The following HTR7 variants were observed in gnomAD, a reference collection of about 807,000 sequenced individuals.
The protein encoded by HTR7 is 5-HT-7.
In HTR7, 16 loss-of-function variants were observed where a neutral mutation model predicts 34.0. That is an observed-to-expected ratio of 0.47 (90% CI 0.32 to 0.71). The LOEUF (loss-of-function observed/expected upper bound fraction) is 0.71. HTR7 is among the 30% of genes least tolerant of loss of function. The pLI is 0.04. For missense variants in HTR7, 504 were observed against 625.5 expected (o/e 0.81, Z 2.07); for synonymous variants, 265 against 260.2 (o/e 1.02, Z -0.18).
In HTR7 at chr10:90,856,129, C is replaced by T. The variant is rs540896850; in HGVS notation, c.539+1004G>A. ...CTACACATATAAAGGTTCTATAGATCCACTAAGAAAATAAGCAACCATTTC... is the reference window on the plus strand; with the variant it reads ...CTACACATATAAAGGTTCTATAGATTCACTAAGAAAATAAGCAACCATTTC... On this transcript the variant is annotated intron_variant, in intron 1 of 3. Coordinates refer to ENST00000336152, the MANE Select transcript of HTR7 (RefSeq NM_019859.4). Among the ~76,000 whole-genome samples the T allele has an allele frequency of 2.6e-5, 4 of 152,284 alleles. No individual in the cohort carries two copies. The East Asian group carries it at 7.7e-4, about 29-fold the overall frequency.
chr10:90,784,388 C>A (rs991221171), intron 1 of HTR7, among the ~76,000 whole-genome samples: 1 of 152,170 alleles, frequency 6.6e-6, no homozygotes, highest in Non-Finnish European at 1.5e-5. Context: ...GCCACTTCAT[C>A]TCTTGGACTG....
At chr10:90,828,087 A>T (rs1451300686) in intron 1 of HTR7, among the ~76,000 whole-genome samples, 1 of 142,392 alleles carries the variant, frequency 7.0e-6, no homozygotes, top group Non-Finnish European at 1.5e-5. Flanking sequence ...AACACACGGA[A>T]ATTAAATAAT....
At chr10:90,793,979 CT>C (rs1452066358) in intron 1 of HTR7, among the ~76,000 whole-genome samples, 3 of 152,176 alleles carry the variant, frequency 2.0e-5, no homozygotes, top group Non-Finnish European at 4.4e-5. Context: ...ACACTGGCAG[CT>C]GATTAGATGG....
chr10:90,787,259 G>T (rs1282010030), intron 1 of HTR7, among the ~76,000 whole-genome samples: 1 of 152,154 alleles, frequency 6.6e-6, no homozygotes, highest in Non-Finnish European at 1.5e-5. Flanking sequence ...GGAGGCCAAG[G>T]TGGGTGGATC....
intron 1 of HTR7, among the ~76,000 whole-genome samples, chr10:90,829,073 G>C (rs2120042263): frequency 6.6e-6 from 1 of 152,278 alleles, no homozygotes. Context: ...TTTATCCCAG[G>C]TATGCAAGCA....
intron 1 of HTR7, among the ~76,000 whole-genome samples, chr10:90,837,148 G>T (rs1437057389): frequency 6.6e-6 from 1 of 152,138 alleles, no homozygotes; most frequent in Non-Finnish European, 1.5e-5. Context: ...TGACTAGTTT[G>T]CACGGCCTGT....
At chr10:90,807,123 C>T (rs150374577) in intron 1 of HTR7, among the ~76,000 whole-genome samples, 1 of 152,242 alleles carries the variant, frequency 6.6e-6, no homozygotes, top group African/African-American at 2.4e-5. Flanking sequence ...TTAAATACGA[C>T]AGAGTGGAAA....
chr10:90,837,969 C>T (rs993492401), intron 1 of HTR7, among the ~76,000 whole-genome samples: 1 of 152,196 alleles, frequency 6.6e-6, no homozygotes, highest in Non-Finnish European at 1.5e-5. Context: ...CCTCATATCG[C>T]ACTGACTAAC....
At chr10:90,808,270 C>G (rs1456898075) in intron 1 of HTR7, among the ~76,000 whole-genome samples, 1 of 151,696 alleles carries the variant, frequency 6.6e-6, no homozygotes, top group Non-Finnish European at 1.5e-5. Flanking sequence ...GGGCAAGAAA[C>G]CCCTAACCCT....
At chr10:90,762,266 T>C (rs1777912089) in intron 1 of HTR7, among the ~76,000 whole-genome samples, 1 of 152,202 alleles carries the variant, frequency 6.6e-6, no homozygotes, top group Non-Finnish European at 1.5e-5. Context: ...TGCATAGGGG[T>C]TCCCTTTTCT....
intron 3 of HTR7, among the ~76,000 whole-genome samples, chr10:90,743,253 G>T (rs1438270045): frequency 6.6e-6 from 1 of 152,102 alleles, no homozygotes; most frequent in African/African-American, 2.4e-5. Flanking sequence ...CTTCTTTGAG[G>T]TCCCCCTCTC....
chr10:90,804,980 G>A (rs1845681423), intron 1 of HTR7, among the ~76,000 whole-genome samples: 1 of 152,154 alleles, frequency 6.6e-6, no homozygotes. Context: ...TTTTCCTTAT[G>A]AAAACCCAAG....
intron 1 of HTR7, among the ~76,000 whole-genome samples, chr10:90,824,982 G>A (rs1269966146): frequency 6.6e-6 from 1 of 152,226 alleles, no homozygotes; most frequent in Non-Finnish European, 1.5e-5. Flanking sequence ...AGGGCCTTGA[G>A]TGAATACAGG....
chr10:90,842,800 A>G (rs558240406), intron 1 of HTR7, among the ~76,000 whole-genome samples: 4 of 152,024 alleles, frequency 2.6e-5, no homozygotes, highest in South Asian at 4.2e-4. Context: ...TGATGATACT[A>G]AAAAGCTAAC....
At chr10:90,761,636 G>A (rs994769163) in intron 1 of HTR7, among the ~76,000 whole-genome samples, 2 of 47,060 alleles carry the variant, frequency 4.2e-5, no homozygotes, top group African/African-American at 2.7e-4. Flanking sequence ...GTGTATGCGT[G>A]TGTGTGTGTG....
intron 1 of HTR7, among the ~76,000 whole-genome samples, chr10:90,836,007 T>C (rs1337604677): frequency 6.6e-6 from 1 of 152,180 alleles, no homozygotes; most frequent in Non-Finnish European, 1.5e-5. Flanking sequence ...GGTGTGATGA[T>C]GCACCCAAAC....
chr10:90,785,196 G>A (rs1845362486), intron 1 of HTR7, among the ~76,000 whole-genome samples: 1 of 152,036 alleles, frequency 6.6e-6, no homozygotes, highest in African/African-American at 2.4e-5. Context: ...CCCAAACCCT[G>A]GTACAATGGT....
At chr10:90,756,757 ATATAT>A (rs1392388665) in intron 1 of HTR7, among the ~76,000 whole-genome samples, 5 of 152,310 alleles carry the variant, frequency 3.3e-5, no homozygotes, top group Admixed American at 2.0e-4. Flanking sequence ...GTAAAAATTC[ATATAT>A]TATATTTGTT....
chr10:90,757,558 C>T (rs1403008725), intron 1 of HTR7, among the ~76,000 whole-genome samples: 1 of 152,196 alleles, frequency 6.6e-6, no homozygotes, highest in Non-Finnish European at 1.5e-5. Context: ...CCCTTCCTTT[C>T]CCCGCAACCC....
Sources: allele counts gnomAD v4.1 joint callset (sites outside exome capture counted in the v4.1 genomes callset), GRCh38; gene constraint gnomAD v4.1.1; transcripts MANE v1.5; gene names NCBI Gene and HGNC (gene_info 2026-07-23, HGNC 2026-07-21).